SEMA5A: variants seen among roughly 807,000 people sequenced by gnomAD.
SEMA5A encodes the protein semaphorin 5A, also known as semaphorin-5A.
In SEMA5A, 55 loss-of-function variants were observed where a neutral mutation model predicts 135.5. That is an observed-to-expected ratio of 0.41 (90% CI 0.33 to 0.51). The LOEUF (loss-of-function observed/expected upper bound fraction) is 0.51, where lower values mean the gene tolerates loss of function less well. SEMA5A is among the 20% of genes least tolerant of loss of function. The pLI, the probability that SEMA5A is intolerant of heterozygous loss-of-function variation, is 0.37. For synonymous variants in SEMA5A, 580 were observed against 546.5 expected (o/e 1.06, Z -0.85); for missense variants, 1,290 against 1,419.9 (o/e 0.91, Z 1.47).
intron 2 of SEMA5A, among the ~76,000 whole-genome samples, chr5:9,394,023 G>T (rs896418778): frequency 6.6e-6 from 1 of 152,002 alleles, no homozygotes; most frequent in Admixed American, 6.6e-5. Context: ...AATATTTACC[G>T]CCAATAAAAA....
intron 5 of SEMA5A, among the ~76,000 whole-genome samples, chr5:9,252,554 C>A (rs984516950): frequency 6.6e-6 from 1 of 152,108 alleles, no homozygotes; most frequent in Non-Finnish European, 1.5e-5. Flanking sequence ...GTTATATTTC[C>A]TAAGCGAGTT....
intron 22 of SEMA5A, 140 bp from the exon 23 acceptor site, chr5:9,043,156 G>T: frequency 1.3e-6 from 1 of 790,394 alleles, no homozygotes; most frequent in Non-Finnish European, 1.9e-6. Context: ...TTATTTATTT[G>T]CTTCCCCAGA....
chr5:9,298,340 C>T (rs1368277673), intron 5 of SEMA5A, among the ~76,000 whole-genome samples: 3 of 152,110 alleles, frequency 2.0e-5, no homozygotes, highest in East Asian at 3.9e-4. Context: ...CTGCAGCTAA[C>T]GAGGTGAGGA....
intron 5 of SEMA5A, among the ~76,000 whole-genome samples, chr5:9,314,616 G>C (rs1011110560): frequency 6.6e-6 from 1 of 151,486 alleles, no homozygotes; most frequent in Admixed American, 6.6e-5. Flanking sequence ...ATTCCTTTCT[G>C]TTATACTTGG....
chr5:9,247,418 A>G (rs908081423), intron 5 of SEMA5A, among the ~76,000 whole-genome samples: 2 of 152,116 alleles, frequency 1.3e-5, no homozygotes, highest in African/African-American at 2.4e-5. Flanking sequence ...CTATTTTTCT[A>G]GTCTTCTGAA....
chr5:9,377,262 T>G (rs541526543), intron 3 of SEMA5A, among the ~76,000 whole-genome samples: 1 of 152,190 alleles, frequency 6.6e-6, no homozygotes, highest in Non-Finnish European at 1.5e-5. Flanking sequence ...TATATTTGTA[T>G]GTGTGTGTGT....
intron 18 of SEMA5A, among the ~76,000 whole-genome samples, chr5:9,055,354 C>A (rs959801932): frequency 6.6e-6 from 1 of 152,144 alleles, no homozygotes; most frequent in African/African-American, 2.4e-5. Flanking sequence ...GTAACCACAG[C>A]TAACTCAATT....
At chr5:9,081,374 T>C (rs1047262304) in intron 16 of SEMA5A, among the ~76,000 whole-genome samples, 2 of 152,136 alleles carry the variant, frequency 1.3e-5, no homozygotes, top group African/African-American at 4.8e-5. Context: ...TTGTGCTAAT[T>C]TATTACCTAG....
intron 3 of SEMA5A, among the ~76,000 whole-genome samples, chr5:9,347,905 A>C (rs1199141343): frequency 6.6e-6 from 1 of 152,244 alleles, no homozygotes; most frequent in African/African-American, 2.4e-5. Flanking sequence ...CCATCTTGTA[A>C]CCAATTGAAA....
chr5:9,171,748 C>T lies in SEMA5A; in HGVS notation c.1274-17053G>A, dbSNP rs1335546776. 2.0e-5 allele frequency among the ~76,000 whole-genome samples: 3 copies of T among 152,222 alleles called. 1 individual carries two copies. The highest frequency in any genetic ancestry group is 2.0e-4 in the Admixed American group (3 of 15,292). On this transcript the variant is annotated intron_variant, in intron 11 of 22. Coordinates refer to ENST00000382496, the MANE Select transcript of SEMA5A (RefSeq NM_003966.3). The stretch of plus-strand genomic sequence containing the variant: ...GTTCCAACACTAGATATATGTCCTC[C>T]AGCTAAACACACAGGCTGCGGCAAG...
chr5:9,396,635 C>G (rs1756415083), intron 2 of SEMA5A, among the ~76,000 whole-genome samples: 1 of 152,178 alleles, frequency 6.6e-6, no homozygotes, highest in South Asian at 2.1e-4. Context: ...GGGAACACCA[C>G]ATAGCCCAGC....
intron 16 of SEMA5A, among the ~76,000 whole-genome samples, chr5:9,068,248 G>A (rs1230413836): frequency 3.9e-5 from 6 of 152,146 alleles, no homozygotes; most frequent in African/African-American, 1.2e-4. Context: ...AAGTTTAACT[G>A]GAAGGTCTGT....
intron 12 of SEMA5A, among the ~76,000 whole-genome samples, chr5:9,141,502 C>T (rs143745168): frequency 6.6e-6 from 1 of 152,138 alleles, no homozygotes; most frequent in East Asian, 1.9e-4. Context: ...ACATATTACC[C>T]TGGTATTTGA....
intron 12 of SEMA5A, among the ~76,000 whole-genome samples, chr5:9,143,220 C>T (rs1394391833): frequency 6.6e-6 from 1 of 152,078 alleles, no homozygotes; most frequent in Non-Finnish European, 1.5e-5. Flanking sequence ...AGTCCCTAAG[C>T]ACAATTTCAA....
chr5:9,341,975 A>C lies in SEMA5A; in HGVS notation c.125-4163T>G, dbSNP rs1385281929. Among the ~76,000 whole-genome samples the C allele has an allele frequency of 5.3e-5, 8 of 152,030 alleles. No homozygotes were observed. In the South Asian group the frequency reaches 1.7e-3, roughly 32 times the overall value. On this transcript the variant is annotated intron_variant, in intron 3 of 22. Coordinates refer to ENST00000382496, the MANE Select transcript of SEMA5A (RefSeq NM_003966.3). ...TTAATAATCCAGTCTTACAACTTCA[A>C]GAAACGATTTATTTTATGAACAAGT...
intron 1 of SEMA5A, among the ~76,000 whole-genome samples, chr5:9,543,518 C>T (rs771697227): frequency 3.9e-5 from 6 of 152,156 alleles, no homozygotes; most frequent in Non-Finnish European, 8.8e-5. Context: ...AAGCTTTACT[C>T]GCAGCAGGGA....
At position 9,424,388 on chromosome 5, in the gene SEMA5A, A is replaced by G. The variant is rs559237156; in HGVS notation, c.-78+13368T>C. On this transcript the variant is annotated intron_variant, in intron 2 of 22. Transcript: ENST00000382496. ...ACTTCTGAAGTATCAAAGCACTACTATAGCAAATGAAATATTATGAGGAGC... is the reference window on the plus strand; with the variant it reads ...ACTTCTGAAGTATCAAAGCACTACTGTAGCAAATGAAATATTATGAGGAGC... 4.6e-5 allele frequency among the ~76,000 whole-genome samples: 7 copies of G among 152,342 alleles called. No individual in the cohort carries two copies. In the South Asian group the frequency reaches 1.4e-3, roughly 32 times the overall value.
At chr5:9,072,399 T>G (rs114302055) in intron 16 of SEMA5A, among the ~76,000 whole-genome samples, 2,764 of 152,234 alleles carry the variant, frequency 0.018, 32 homozygotes, top group Non-Finnish European at 0.027. Context: ...ACACCAGTGA[T>G]GTGCAAAAAT....
At chr5:9,499,033 A>G (rs1296285317) in intron 1 of SEMA5A, among the ~76,000 whole-genome samples, 1 of 152,238 alleles carries the variant, frequency 6.6e-6, no homozygotes, top group Non-Finnish European at 1.5e-5. Context: ...GTGTAAACGC[A>G]AAGCAGTGGA....
Sources: allele counts gnomAD v4.1 joint callset (sites outside exome capture counted in the v4.1 genomes callset), GRCh38; gene constraint gnomAD v4.1.1; transcripts MANE v1.5; gene names NCBI Gene and HGNC (gene_info 2026-07-23, HGNC 2026-07-21).